RGS12: variants seen among roughly 807,000 people sequenced by gnomAD.
The protein encoded by RGS12 is regulator of G-protein signaling 12.
A neutral mutation model predicts 120.1 loss-of-function variants in RGS12; 66 were observed. That is an observed-to-expected ratio of 0.55 (90% CI 0.45 to 0.67). The LOEUF (loss-of-function observed/expected upper bound fraction) is 0.67, where lower values mean the gene tolerates loss of function less well. Ranked by LOEUF, RGS12 falls within the 30% of genes least tolerant of loss-of-function variation. The probability of loss-of-function intolerance (pLI) is 0.00; values close to 1 mark genes in which losing one functional copy is unlikely to be tolerated. For synonymous variants in RGS12, 827 were observed against 804.7 expected, an observed-to-expected ratio of 1.03 and a Z score of -0.47; for missense variants, 1,859 against 1,957.7, an observed-to-expected ratio of 0.95 and a Z score of 0.95.
rs181833507 is a variant in RGS12, at chr4:3,422,748, G to T, written c.3034-157G>T. Among the ~76,000 whole-genome samples, 11 of 152,394 alleles carry T rather than the reference G, an allele frequency of 7.2e-5. No homozygotes were observed. The East Asian group carries it at 2.1e-3, about 29-fold the overall frequency. Reference sequence around the variant, plus strand: ...TCTGCTGGGAGCACTTTGCACGTGGGTGCTGGGTTGGTGTGGAAAGGGTGA... The same window carrying T: ...TCTGCTGGGAGCACTTTGCACGTGGTTGCTGGGTTGGTGTGGAAAGGGTGA... On this transcript the variant is annotated intron_variant, in intron 11 of 17. Transcript: ENST00000336727.
intron 2 of RGS12, among the ~76,000 whole-genome samples, chr4:3,333,894 T>G (rs1406891754): frequency 6.6e-6 from 1 of 152,238 alleles, no homozygotes; most frequent in African/African-American, 2.4e-5. Flanking sequence ...CTTTAGGAGA[T>G]CAAGCCTTCC....
intron 11 of RGS12, 58 bp from the exon 12 acceptor site, chr4:3,422,847 C>A: frequency 6.8e-7 from 1 of 1,472,108 alleles, no homozygotes; most frequent in South Asian, 1.1e-5. Context: ...GCACGTGGGT[C>A]TGCGTTTGGG....
intron 3 of RGS12, among the ~76,000 whole-genome samples, chr4:3,381,805 A>C (rs1031497371): frequency 1.3e-5 from 2 of 152,254 alleles, no homozygotes; most frequent in Admixed American, 6.5e-5. Context: ...CCAAGTTTTC[A>C]TACTTTCAGA....
chr4:3,292,350 G>C (rs1174872982), upstream of RGS12, among the ~76,000 whole-genome samples: 2 of 152,134 alleles, frequency 1.3e-5, no homozygotes, highest in Non-Finnish European at 2.9e-5. Context: ...CTCCGGGAGG[G>C]GCAGACCCGC....
At chr4:3,408,281 C>T (rs1721369189) in intron 4 of RGS12, among the ~76,000 whole-genome samples, 1 of 152,168 alleles carries the variant, frequency 6.6e-6, no homozygotes, top group Admixed American at 6.5e-5. Flanking sequence ...TGACTGTGCA[C>T]TATTTTCCAC....
At position 3,422,337 on chromosome 4, in the gene RGS12, G is replaced by A. The variant is rs142120467; in HGVS notation, c.2839-39G>A. ...GGGAGGTGCCCCGCACCCCTGTGAC[G>A]CTGGTTCCCTCACGGCTGCTTGTCT... On this transcript the variant is annotated intron_variant, in intron 10 of 17. Transcript: ENST00000336727. The A allele has an allele frequency of 6.9e-3, 10,856 of 1,573,570 alleles. 46 individuals are homozygous for A. Among genetic ancestry groups the A allele is most frequent in the Non-Finnish European group, 8.6e-3 (9,926 of 1,158,428 alleles).
intron 1 of RGS12, among the ~76,000 whole-genome samples, chr4:3,312,204 T>C (rs886295169): frequency 6.6e-6 from 1 of 152,190 alleles, no homozygotes; most frequent in Non-Finnish European, 1.5e-5. Context: ...AATTTCACTG[T>C]CTGTTCTGCT....
At chr4:3,379,900 C>G (rs558886278) in intron 3 of RGS12, among the ~76,000 whole-genome samples, 1 of 152,290 alleles carries the variant, frequency 6.6e-6, no homozygotes, top group East Asian at 1.9e-4. Context: ...CTGACCCCTC[C>G]AAAATCTCAT....
chr4:3,437,251 A>G (rs906765016), intron 17 of RGS12, among the ~76,000 whole-genome samples: 7 of 152,072 alleles, frequency 4.6e-5, no homozygotes, highest in African/African-American at 7.2e-5. Flanking sequence ...TGATGTGGAC[A>G]TCCTTGGTCC....
rs1374675669 is a variant in RGS12 at position 3,389,735 on chromosome 4, C to A, written c.2020+3298C>A. On this transcript the variant is annotated intron_variant, in intron 4 of 17. Transcript: ENST00000336727. The surrounding 1 kb of genome is among the most constrained non-coding windows in gnomAD (Gnocchi z 5.2). ...AGCGCCCACCTCCTCCTGCGTACGG[C>A]GTCTGTGCCAGCAGGAAAGCCGGGG... is the stretch of plus-strand genomic sequence containing the variant. Among the ~76,000 whole-genome samples, 1 of 152,192 alleles carries A rather than the reference C, an allele frequency of 6.6e-6. No homozygotes were observed. The highest frequency in any genetic ancestry group is 1.5e-5 in the Non-Finnish European group (1 of 68,028).
At position 3,374,617 on chromosome 4, in the gene RGS12, TC is replaced by T. The variant is rs1236488235; in HGVS notation, c.1999-11796del. 6.6e-6 allele frequency among the ~76,000 whole-genome samples: 1 copy of T among 151,886 alleles called. No individual in the cohort carries two copies. The highest frequency in any genetic ancestry group is 1.5e-5 in the Non-Finnish European group (1 of 67,956). ...GTCTGCCACATCTCAGGAAGGGATGTCCCTGTCCCTTCTGCTTGAGCCCACA... is the reference window on the plus strand; with the variant it reads ...GTCTGCCACATCTCAGGAAGGGATGTCCTGTCCCTTCTGCTTGAGCCCACA... On this transcript the variant is annotated intron_variant, in intron 3 of 17. Coordinates refer to ENST00000336727, the MANE Select transcript of RGS12 (RefSeq NM_001394154.1). This position sits in a 1 kb window ranked among gnomAD's most constrained non-coding sequence, Gnocchi z 6.3.
chr4:3,415,935 G>A (rs373397711), intron 6 of RGS12, 43 bp from the exon 7 acceptor site: 26 of 1,571,192 alleles, frequency 1.7e-5, no homozygotes, highest in Non-Finnish European at 1.9e-5. Context: ...GGAGTGCGGG[G>A]AGAGGAAGCC....
At chr4:3,339,919 C>G (rs1712869936) in intron 2 of RGS12, among the ~76,000 whole-genome samples, 1 of 152,236 alleles carries the variant, frequency 6.6e-6, no homozygotes, top group African/African-American at 2.4e-5. Context: ...ACAAGTGATT[C>G]ATTTTGATTC....
chr4:3,430,936 G>A lies in RGS12; in HGVS notation c.4095G>A (p.Val1365=), dbSNP rs1337938356. Residue 1365 remains valine, a synonymous_variant, in exon 17 of 18, where the codon GTG becomes GTA. Transcript: ENST00000336727. ...LLPPPSTPQE[V]PGPSRPGSGT... is the part of the protein sequence containing the mutation. ...CGCCGCCCTCCACCCCCCAGGAAGT[G>A]CCAGGACCTTCCAGACCAGGTACCT... 5.0e-6 allele frequency: 8 copies of A among 1,612,708 alleles called. No homozygotes were observed. The highest frequency in any genetic ancestry group is 6.8e-6 in the Non-Finnish European group (8 of 1,179,976).
intron 8 of RGS12, 48 bp from the exon 9 acceptor site, chr4:3,417,340 G>A: frequency 1.3e-6 from 2 of 1,531,150 alleles, no homozygotes; most frequent in South Asian, 2.5e-5. Context: ...TAACGTAATA[G>A]TAAAATAACT....
chr4:3,421,109 C>T (rs576800930), intron 10 of RGS12, among the ~76,000 whole-genome samples: 93 of 152,332 alleles, frequency 6.1e-4, no homozygotes, highest in African/African-American at 2.1e-3. Flanking sequence ...GCATCCCACC[C>T]ACTCCCACAC....
intron 4 of RGS12, among the ~76,000 whole-genome samples, chr4:3,407,157 G>A (rs559961565): frequency 6.6e-6 from 1 of 152,308 alleles, no homozygotes; most frequent in South Asian, 2.1e-4. Flanking sequence ...TTGGGAGGCC[G>A]GGGTTCCATC....
intron 2 of RGS12, among the ~76,000 whole-genome samples, chr4:3,337,293 A>G (rs1406098444): frequency 6.6e-6 from 1 of 152,228 alleles, no homozygotes; most frequent in African/African-American, 2.4e-5. Context: ...CGCACCCACC[A>G]TGGGAAACAG....
intron 2 of RGS12, among the ~76,000 whole-genome samples, chr4:3,322,138 G>A (rs1560662413): frequency 6.6e-6 from 1 of 152,158 alleles, no homozygotes; most frequent in Non-Finnish European, 1.5e-5. Context: ...GGGGACCAGC[G>A]AGCCAGACCC....
Sources: gnomAD v4.1 joint callset for allele counts (sites outside exome capture counted in the v4.1 genomes callset) on GRCh38, gnomAD v4.1.1 for gene constraint, Gnocchi (gnomAD v3.1) non-coding constraint, MANE v1.5 for transcripts, NCBI Gene and HGNC (gene_info 2026-07-23, HGNC 2026-07-21) for gene names.